Variants in ARMC9 observed in about 807,000 individuals in gnomAD.
The protein encoded by ARMC9 is armadillo repeat containing 9, also known as lisH domain-containing protein ARMC9.
ARMC9 carries 94 observed loss-of-function variants against 107.0 expected under a neutral mutation model. That is an observed-to-expected ratio of 0.88 (90% confidence interval 0.74 to 1.04). The LOEUF is 1.04. Ranked by LOEUF, ARMC9 falls within the 50% of genes least tolerant of loss-of-function variation. The probability of loss-of-function intolerance (pLI) is 0.00; values close to 1 mark genes in which losing one functional copy is unlikely to be tolerated. For synonymous variants in ARMC9, 380 were observed against 396.9 expected, an observed-to-expected ratio of 0.96 and a Z score of 0.51; for missense variants, 942 against 1,030.1, an observed-to-expected ratio of 0.91 and a Z score of 1.17.
intron 6 of ARMC9, among the ~76,000 whole-genome samples, chr2:231,223,180 G>T (rs532532204): frequency 6.6e-6 from 1 of 152,134 alleles, no homozygotes; most frequent in Non-Finnish European, 1.5e-5. Flanking sequence ...CATATGGATC[G>T]GGTGACCATC....
rs2046029548 is a variant in ARMC9 at position 231,371,786 on chromosome 2, A to C, written c.*251A>C. The C allele has an allele frequency of 5.1e-6, 2 of 388,366 alleles. No homozygotes were observed. Among genetic ancestry groups the C allele is most frequent in the Non-Finnish European group, 9.1e-6 (2 of 220,596 alleles). The allele number at this position is 388,366 out of a possible 1,614,324, so 24.1% of individuals were successfully genotyped here. On this transcript the variant is annotated 3_prime_UTR_variant, in exon 25 of 25. Coordinates refer to ENST00000611582, the MANE Select transcript of ARMC9 (RefSeq NM_001352754.2). ...CTGGCATTGCCCTCCTGGAGAGGGGAATTTCCTGCTCACCCTTCACACACA... is the reference window on the plus strand; with the variant it reads ...CTGGCATTGCCCTCCTGGAGAGGGGCATTTCCTGCTCACCCTTCACACACA...
At chr2:231,357,575 T>A (rs2045395450) in intron 22 of ARMC9, among the ~76,000 whole-genome samples, 2 of 146,610 alleles carry the variant, frequency 1.4e-5, no homozygotes, top group Non-Finnish European at 2.9e-5. Flanking sequence ...TTTATTTTAT[T>A]TTACTTTATT....
Position 231,369,987 on chromosome 2 carries a change from G to GC in ARMC9, c.2301dup (p.Cys768LeufsTer200). On this transcript the variant is annotated frameshift_variant, in exon 24 of 25. Transcript: ENST00000611582. LOFTEE classifies it high-confidence loss of function. ...ATCAGCCTTCACCTGCAAGCCCCGG[G>GC]CCCCCTGCACTCCAGAGATGCTGGA... 6.5e-7 allele frequency: 1 copy of GC among 1,529,782 alleles called. No individual in the cohort carries two copies. The highest frequency in any genetic ancestry group is 8.8e-7 in the Non-Finnish European group (1 of 1,142,788). The allele number at this position is 1,529,782 out of a possible 1,614,324, so 94.8% of individuals were successfully genotyped here.
intron 12 of ARMC9, 153 bp from the exon 13 acceptor site, chr2:231,270,828 AC>A: frequency 1.4e-6 from 1 of 736,038 alleles, no homozygotes; most frequent in Admixed American, 2.1e-5. Flanking sequence ...CAGTTGGAAA[AC>A]AAGGATTCCA....
At chr2:231,308,677 T>C (rs528785225) in intron 19 of ARMC9, among the ~76,000 whole-genome samples, 1 of 152,348 alleles carries the variant, frequency 6.6e-6, no homozygotes, top group African/African-American at 2.4e-5. Flanking sequence ...CGGAAAATGA[T>C]AGGGCATAGA....
At chr2:231,331,319 G>A (rs1019826197) in intron 19 of ARMC9, among the ~76,000 whole-genome samples, 2 of 152,174 alleles carry the variant, frequency 1.3e-5, no homozygotes, top group Admixed American at 1.3e-4. Flanking sequence ...CATCCACTGG[G>A]TCTTCCCAGA....
intron 9 of ARMC9, among the ~76,000 whole-genome samples, chr2:231,242,658 A>G (rs2036408080): frequency 6.6e-6 from 1 of 152,156 alleles, no homozygotes; most frequent in South Asian, 2.1e-4. Flanking sequence ...GGGTCTGTCT[A>G]CTAGGAGCAC....
intron 11 of ARMC9, among the ~76,000 whole-genome samples, chr2:231,261,074 T>G (rs1047694983): frequency 1.9e-4 from 29 of 152,310 alleles, no homozygotes; most frequent in South Asian, 4.1e-4. Flanking sequence ...CGTCTGATGC[T>G]CTGGCCTGCG....
intron 17 of ARMC9, among the ~76,000 whole-genome samples, chr2:231,287,974 C>T (rs2040721904): frequency 6.6e-6 from 1 of 152,186 alleles, no homozygotes; most frequent in South Asian, 2.1e-4. Flanking sequence ...ACTCCTGAGC[C>T]TGAGGCTGGC....
At chr2:231,284,600 A>G (rs2040451261) in intron 17 of ARMC9, among the ~76,000 whole-genome samples, 1 of 152,202 alleles carries the variant, frequency 6.6e-6, no homozygotes, top group Admixed American at 6.5e-5. Context: ...TTCCCCTAGA[A>G]TGAATGATTT....
intron 20 of ARMC9, among the ~76,000 whole-genome samples, chr2:231,332,969 G>A (rs1337871031): frequency 3.3e-5 from 5 of 152,238 alleles, no homozygotes; most frequent in Non-Finnish European, 5.9e-5. Flanking sequence ...CACAGCCAGA[G>A]CCTTGGGAAG....
At chr2:231,242,847 GCA>G (rs1331729813) in intron 9 of ARMC9, among the ~76,000 whole-genome samples, 1 of 152,070 alleles carries the variant, frequency 6.6e-6, no homozygotes, top group Admixed American at 6.6e-5. Flanking sequence ...GCATGGTGGC[GCA>G]CACCTGTAAT....
chr2:231,224,444 C>A (rs2034453305), intron 6 of ARMC9, among the ~76,000 whole-genome samples: 1 of 152,020 alleles, frequency 6.6e-6, no homozygotes, highest in South Asian at 2.1e-4. Context: ...CATAGTGAGA[C>A]CCTGTCTCAA....
chr2:231,201,393 C>T (rs1316829479), intron 1 of ARMC9, among the ~76,000 whole-genome samples: 1 of 152,154 alleles, frequency 6.6e-6, no homozygotes, highest in Non-Finnish European at 1.5e-5. Flanking sequence ...GCTGCCTATC[C>T]CTTCATCTCT....
chr2:231,272,911 A>G (rs777623028), intron 13 of ARMC9, 44 bp from the exon 14 acceptor site: 3 of 1,599,730 alleles, frequency 1.9e-6, no homozygotes, highest in East Asian at 4.5e-5. Context: ...TACCAGATAA[A>G]TTATTTCTGT....
intron 19 of ARMC9, among the ~76,000 whole-genome samples, chr2:231,324,275 A>G (rs759099445): frequency 8.0e-5 from 12 of 150,818 alleles, no homozygotes; most frequent in East Asian, 4.0e-4. Context: ...CTACAGGCAC[A>G]CGCCACCACG....
intron 21 of ARMC9, among the ~76,000 whole-genome samples, chr2:231,351,151 G>T (rs2045059877): frequency 6.8e-6 from 1 of 147,280 alleles, no homozygotes; most frequent in East Asian, 2.0e-4. Context: ...TAGAGACGGG[G>T]TTTCACTGTG....
At chr2:231,368,880 C>A (rs1167452086) in intron 23 of ARMC9, among the ~76,000 whole-genome samples, 1 of 152,182 alleles carries the variant, frequency 6.6e-6, no homozygotes, top group Non-Finnish European at 1.5e-5. Context: ...ACTTTGGCCT[C>A]CCAAAGTGCT....
At chr2:231,256,062 C>T (rs2037760558) in intron 9 of ARMC9, 2 of 1,527,246 alleles carry the variant, frequency 1.3e-6, no homozygotes, top group African/African-American at 2.8e-5. Context: ...AACAAAAAAA[C>T]CGCCTCTCCG....
Sources: gnomAD v4.1 joint callset for allele counts (sites outside exome capture counted in the v4.1 genomes callset) on GRCh38, gnomAD v4.1.1 for gene constraint, MANE v1.5 for transcripts, NCBI Gene and HGNC (gene_info 2026-07-23, HGNC 2026-07-21) for gene names.